KCNJ5: variants seen among roughly 807,000 people sequenced by gnomAD.
The protein encoded by KCNJ5 is potassium inwardly rectifying channel subfamily J member 5, also known as G protein-activated inward rectifier potassium channel 4.
In KCNJ5, 12 loss-of-function variants were observed where a neutral mutation model predicts 20.2. The ratio of observed to expected loss-of-function variants is 0.59; its 90% CI spans 0.38 to 0.96. KCNJ5 has a LOEUF of 0.96. Among genes scored for constraint, KCNJ5 ranks in the 40% least tolerant of loss-of-function variants. The pLI is 0.00. For missense variants in KCNJ5, 449 were observed against 557.6 expected (o/e 0.81, Z 1.96); for synonymous variants, 210 against 213.9 (o/e 0.98, Z 0.16).
chr11:128,911,799 TC>T lies in KCNJ5; in HGVS notation c.528del (p.Ile177SerfsTer76), dbSNP rs759316975. ...ILLLVQAILG[S>X]IVNAFMVGCM... is the part of the protein sequence containing the mutation. ...CCTCTTGGTCCAGGCCATCCTGGGC[TC>T]CATCGTCAATGCCTTCATGGTGGGG... On this transcript the variant is annotated frameshift_variant, in exon 2 of 3. Coordinates refer to ENST00000529694, the MANE Select transcript of KCNJ5 (RefSeq NM_000890.5). LOFTEE classifies it high-confidence loss of function. The surrounding 1 kb of genome is among the most constrained non-coding windows in gnomAD (Gnocchi z 6.3). The T allele has an allele frequency of 1.9e-5, 30 of 1,614,088 alleles. No individual in the cohort carries two copies. Among genetic ancestry groups the T allele is most frequent in the Non-Finnish European group, 2.5e-5 (30 of 1,180,044 alleles).
At position 128,916,698 on chromosome 11, in the gene KCNJ5, G is replaced by C; in HGVS notation, c.1227G>C (p.Leu409=). 2 of 1,609,470 alleles carry C rather than the reference G, an allele frequency of 1.2e-6. No individual in the cohort carries two copies. Among genetic ancestry groups the C allele is most frequent in the Non-Finnish European group, 1.7e-6 (2 of 1,178,250 alleles). The change falls in exon 3 of 3, where the codon CTG becomes CTC. Residue 409 remains leucine (L), a synonymous_variant. Coordinates refer to ENST00000529694, the MANE Select transcript of KCNJ5 (RefSeq NM_000890.5). ...ATGAAGAAGATGAGCCCAAGGGGCT[G>C]GGTGGGTCCAGGGAGGCCAGGGGCT... ...EQNEEDEPKG[L]GGSREARGSV is the part of the protein sequence containing the mutation.
chr11:128,899,318 C>T (rs1269506416), intron 1 of KCNJ5, among the ~76,000 whole-genome samples: 1 of 152,238 alleles, frequency 6.6e-6, no homozygotes, highest in Non-Finnish European at 1.5e-5. Context: ...GTATATGGTA[C>T]AGCCCCAGTA....
intron 1 of KCNJ5, chr11:128,902,340 G>T (rs1944298428): frequency 3.2e-6 from 2 of 628,014 alleles, no homozygotes; most frequent in African/African-American, 3.7e-5. Flanking sequence ...CTTGCAGTCA[G>T]ACATCTCTCC....
chr11:128,907,486 T>C (rs539037760), intron 1 of KCNJ5, among the ~76,000 whole-genome samples: 2 of 152,352 alleles, frequency 1.3e-5, no homozygotes, highest in South Asian at 4.1e-4. Flanking sequence ...CTTCCTTTGA[T>C]TTTGCCTCTT....
In KCNJ5 at chr11:128,911,223, A is replaced by C. The variant is rs1323965779; in HGVS notation, c.-10-41A>C. 6.5e-6 allele frequency: 10 copies of C among 1,528,926 alleles called. No homozygotes were observed. Among genetic ancestry groups the C allele is most frequent in the Admixed American group, 1.7e-5 (1 of 59,708 alleles). 94.7% of individuals were successfully genotyped at this position (1,528,926 alleles called of 1,614,324 possible). A position where few individuals can be genotyped will look rare whatever the true frequency, so the allele number is the denominator to read the frequency against. ...CTTCCATCTTGTGTTCTAGTGAATC[A>C]GAACAGCCCACTTCACTGATGGTGT... On this transcript the variant is annotated intron_variant, in intron 1 of 2. Coordinates refer to ENST00000529694, the MANE Select transcript of KCNJ5 (RefSeq NM_000890.5). This position sits in a 1 kb window ranked among gnomAD's most constrained non-coding sequence, Gnocchi z 6.3.
intron 1 of KCNJ5, chr11:128,902,225 C>A (rs886835949): frequency 5.1e-6 from 2 of 390,252 alleles, no homozygotes; most frequent in African/African-American, 4.1e-5. Context: ...ACGATGCCCT[C>A]ACCGCTGGTA....
intron 1 of KCNJ5, among the ~76,000 whole-genome samples, chr11:128,896,149 A>G (rs943886160): frequency 6.6e-6 from 1 of 151,952 alleles, no homozygotes. Context: ...TCTTGATCAT[A>G]AATGCCGTTT....
chr11:128,903,500 AG>A lies in KCNJ5; in HGVS notation c.-10-7762del, dbSNP rs1416076094. On this transcript the variant is annotated intron_variant, in intron 1 of 2. Transcript: ENST00000529694. Reference sequence around the variant, plus strand: ...GAGGTGTTACCCTCACTCCTGACAGAGGCAGACCTGCCTTAGATGAAGGAGA... The same window carrying A: ...GAGGTGTTACCCTCACTCCTGACAGAGCAGACCTGCCTTAGATGAAGGAGA... The A allele has an allele frequency of 1.9e-6, 3 of 1,614,156 alleles. No homozygotes were observed. In the South Asian group the frequency reaches 3.3e-5, roughly 18 times the overall value.
chr11:128,913,162 G>A (rs1277500153), intron 2 of KCNJ5, among the ~76,000 whole-genome samples: 1 of 152,216 alleles, frequency 6.6e-6, no homozygotes, highest in African/African-American at 2.4e-5. Context: ...TACTTGGAGA[G>A]ACCTTTGCTG....
rs547674434 is a variant in KCNJ5 at position 128,902,253 on chromosome 11, C to T, written c.-10-9011C>T. ...CGCTGGTAATCAGCATCCATTACAT[C>T]GGCGCCAGGAACCAGCTCAGGAGGC... On this transcript the variant is annotated intron_variant, in intron 1 of 2. Transcript: ENST00000529694. 49 of 451,172 alleles carry T rather than the reference C, an allele frequency of 1.1e-4. 1 individual carries two copies. Among genetic ancestry groups the T allele is most frequent in the South Asian group, 1.0e-3 (41 of 40,128 alleles). 27.9% of individuals were successfully genotyped at this position (451,172 alleles called of 1,614,324 possible).
chr11:128,919,393 C>T lies in KCNJ5; in HGVS notation c.*2662C>T, dbSNP rs1476409667. On this transcript the variant is annotated 3_prime_UTR_variant, in exon 3 of 3. Transcript: ENST00000529694. ...GAGGAGAGGAAGCGTGCAGAGGGTCCTCTGCCAAAGCTCCCTGCCTGGCCC... is the reference window on the plus strand; with the variant it reads ...GAGGAGAGGAAGCGTGCAGAGGGTCTTCTGCCAAAGCTCCCTGCCTGGCCC... The T allele has an allele frequency of 2.6e-5, 4 of 152,302 alleles. No homozygotes were observed. Among genetic ancestry groups the T allele is most frequent in the South Asian group, 4.1e-4 (2 of 4,834 alleles). The allele number at this position is 152,302 out of a possible 1,614,324, so 9.4% of individuals were successfully genotyped here.
chr11:128,895,681 C>T (rs1396045587), intron 1 of KCNJ5, among the ~76,000 whole-genome samples: 3 of 152,256 alleles, frequency 2.0e-5, no homozygotes, highest in African/African-American at 7.2e-5. Flanking sequence ...GGGGATCTTC[C>T]ACACCGGGCC....
chr11:128,903,081 T>C (rs116856015), intron 1 of KCNJ5, among the ~76,000 whole-genome samples: 2,382 of 152,250 alleles, frequency 0.016, 34 homozygotes, highest in Middle Eastern at 0.027. Context: ...GCTGCCGCTT[T>C]AGAACTGCGT....
chr11:128,916,872 A>C lies in KCNJ5; in HGVS notation c.*141A>C. On this transcript the variant is annotated 3_prime_UTR_variant, in exon 3 of 3. Transcript: ENST00000529694. Reference sequence around the variant, plus strand: ...TCAAGGCTGTGGGGAGGAACCATAAACCCAGCCCTCACAGCTCCCAGCACA... The same window carrying C: ...TCAAGGCTGTGGGGAGGAACCATAACCCCAGCCCTCACAGCTCCCAGCACA... The C allele has an allele frequency of 1.5e-6, 1 of 685,476 alleles. No homozygotes were observed. Among genetic ancestry groups the C allele is most frequent in the Non-Finnish European group, 2.4e-6 (1 of 408,698 alleles). The allele number at this position is 685,476 out of a possible 1,614,324, so 42.5% of individuals were successfully genotyped here.
At chr11:128,905,173 G>C (rs1944379303) in intron 1 of KCNJ5, among the ~76,000 whole-genome samples, 1 of 152,196 alleles carries the variant, frequency 6.6e-6, no homozygotes, top group Non-Finnish European at 1.5e-5. Context: ...CCGCTGGCGG[G>C]GAGTCCCCGG....
At chr11:128,910,920 A>G (rs2135998076) in intron 1 of KCNJ5, among the ~76,000 whole-genome samples, 1 of 152,362 alleles carries the variant, frequency 6.6e-6, no homozygotes, top group South Asian at 2.1e-4. Flanking sequence ...CGTGGGACAC[A>G]GTAGGTATTT....
chr11:128,893,154 T>C (rs1376849359), intron 1 of KCNJ5, among the ~76,000 whole-genome samples: 2 of 152,188 alleles, frequency 1.3e-5, no homozygotes, highest in Non-Finnish European at 2.9e-5. Context: ...AGGCCCATGG[T>C]TGGACTCTGG....
chr11:128,916,049 GCTATATC>G (rs1944574606), intron 2 of KCNJ5, among the ~76,000 whole-genome samples: 1 of 130,840 alleles, frequency 7.6e-6, no homozygotes, highest in East Asian at 2.6e-4. Context: ...TGGATGGATG[GCTATATC>G]TTTGCCCTTT....
intron 1 of KCNJ5, among the ~76,000 whole-genome samples, chr11:128,907,945 T>C (rs1242583807): frequency 6.6e-6 from 1 of 152,218 alleles, no homozygotes; most frequent in Non-Finnish European, 1.5e-5. Context: ...ATAGAACGGA[T>C]CTCGAAAACC....
Sources: gnomAD v4.1 joint callset for allele counts (sites outside exome capture counted in the v4.1 genomes callset) on GRCh38, gnomAD v4.1.1 for gene constraint, Gnocchi (gnomAD v3.1) non-coding constraint, MANE v1.5 for transcripts, NCBI Gene and HGNC (gene_info 2026-07-23, HGNC 2026-07-21) for gene names.